DCC: variants seen among roughly 807,000 people sequenced by gnomAD.
DCC encodes the protein DCC netrin 1 receptor.
DCC carries 58 observed loss-of-function variants against 172.5 expected under a neutral mutation model. That is an observed-to-expected ratio of 0.34 (90% CI 0.27 to 0.42). The LOEUF is 0.42. Ranked by LOEUF, DCC falls within the 10% of genes least tolerant of loss-of-function variation. The pLI, the probability that DCC is intolerant of heterozygous loss-of-function variation, is 1.00. For synonymous variants in DCC, 709 were observed against 644.5 expected (o/e 1.10, Z -1.52); for missense variants, 1,740 against 1,791.0 (o/e 0.97, Z 0.51).
At chr18:53,013,729 C>G (rs994312535) in intron 5 of DCC, among the ~76,000 whole-genome samples, 8 of 151,398 alleles carry the variant, frequency 5.3e-5, no homozygotes, top group African/African-American at 1.7e-4. Flanking sequence ...GAGTCTAATT[C>G]TTCTTCAGCC....
At chr18:53,315,030 G>C (rs1366033173) in intron 13 of DCC, among the ~76,000 whole-genome samples, 1 of 152,060 alleles carries the variant, frequency 6.6e-6, no homozygotes, top group Admixed American at 6.6e-5. Flanking sequence ...TTGTTGCATA[G>C]GTATACACAT....
chr18:52,571,068 C>T (rs537744301), intron 1 of DCC, among the ~76,000 whole-genome samples: 70 of 152,154 alleles, frequency 4.6e-4, no homozygotes, highest in East Asian at 2.3e-3. Context: ...TTTTATGCCA[C>T]GATTAGTTAC....
At chr18:53,466,586 C>T (rs1964667) in intron 24 of DCC, among the ~76,000 whole-genome samples, 67,331 of 152,010 alleles carry the variant, frequency 0.44, 16,850 homozygotes, top group Non-Finnish European at 0.58. Flanking sequence ...AGTGCAGTGG[C>T]GCAATCTCAG....
intron 9 of DCC, among the ~76,000 whole-genome samples, chr18:53,180,188 G>A (rs142055557): frequency 1.1e-4 from 16 of 152,288 alleles, no homozygotes; most frequent in African/African-American, 3.8e-4. Context: ...CAGTCTGAGT[G>A]CACTTTCCAC....
intron 1 of DCC, among the ~76,000 whole-genome samples, chr18:52,694,608 TA>T (rs1206915466): frequency 6.6e-6 from 1 of 152,014 alleles, no homozygotes; most frequent in Non-Finnish European, 1.5e-5. Flanking sequence ...TTTACATTCT[TA>T]AAAATATAGG....
At chr18:52,970,175 A>G (rs931790328) in intron 5 of DCC, among the ~76,000 whole-genome samples, 1 of 152,116 alleles carries the variant, frequency 6.6e-6, no homozygotes, top group Admixed American at 6.6e-5. Context: ...CTGTTTTACT[A>G]TTAGGAATAG....
rs552850247 is a variant in DCC at position 52,781,281 on chromosome 18, G to T, written c.412+28907G>T. On this transcript the variant is annotated intron_variant, in intron 2 of 28. Coordinates refer to ENST00000442544, the MANE Select transcript of DCC (RefSeq NM_005215.4). ...AAGTCATAGAATTATTTTATGGCCA[G>T]TTATCACACAGAATAGTGCGGGAAG... Among the ~76,000 whole-genome samples, 11 of 152,214 alleles carry T rather than the reference G, an allele frequency of 7.2e-5. No individual in the cohort carries two copies. The South Asian group carries it at 2.3e-3, about 32-fold the overall frequency.
intron 1 of DCC, among the ~76,000 whole-genome samples, chr18:52,379,597 C>T (rs567457176): frequency 5.5e-4 from 84 of 152,240 alleles, no homozygotes; most frequent in African/African-American, 1.9e-3. Flanking sequence ...AATATTTGTG[C>T]ATCACTTAAT....
At chr18:53,481,061 C>A (rs2045825951) in intron 25 of DCC, 1 of 152,282 alleles carries the variant, frequency 6.6e-6, no homozygotes, top group Non-Finnish European at 1.5e-5. Context: ...TGGCTTTCCC[C>A]AGCATGAGTG....
chr18:52,588,460 A>G (rs1351623508), intron 1 of DCC, among the ~76,000 whole-genome samples: 1 of 152,216 alleles, frequency 6.6e-6, no homozygotes, highest in East Asian at 1.9e-4. Context: ...AGACTGTGAT[A>G]GATATTGGGC....
intron 11 of DCC, among the ~76,000 whole-genome samples, chr18:53,211,799 G>A (rs62100768): frequency 0.09 from 13,650 of 152,188 alleles, 807 homozygotes; most frequent in Non-Finnish European, 0.14. Context: ...TGTAATCCCA[G>A]AACTTTGGGA....
chr18:52,786,060 CA>C lies in DCC; in HGVS notation c.412+33687del, dbSNP rs557636605. On this transcript the variant is annotated intron_variant, in intron 2 of 28. Coordinates refer to ENST00000442544, the MANE Select transcript of DCC (RefSeq NM_005215.4). ...CTGTTTATAGCCCTACTGCAAATAG[CA>C]GAGTGAGTATAGCAAATCTTGCAAG... Among the ~76,000 whole-genome samples, 52 of 152,204 alleles carry C rather than the reference CA, an allele frequency of 3.4e-4. 1 individual carries two copies. The South Asian group carries it at 0.01, about 30-fold the overall frequency.
intron 5 of DCC, among the ~76,000 whole-genome samples, chr18:52,972,698 T>C (rs2145589113): frequency 6.6e-6 from 1 of 152,354 alleles, no homozygotes; most frequent in East Asian, 1.9e-4. Flanking sequence ...TTCTTTGCTA[T>C]GTTAGCACAA....
chr18:52,774,604 T>C (rs540396173), intron 2 of DCC, among the ~76,000 whole-genome samples: 2 of 152,320 alleles, frequency 1.3e-5, no homozygotes, highest in African/African-American at 4.8e-5. Flanking sequence ...AAGGTTCCCT[T>C]GTTCCCCTCG....
chr18:53,168,891 G>C (rs2054967396), intron 8 of DCC, among the ~76,000 whole-genome samples: 1 of 152,088 alleles, frequency 6.6e-6, no homozygotes, highest in African/African-American at 2.4e-5. Flanking sequence ...CATTAATCTA[G>C]AATGGCAGCT....
intron 27 of DCC, among the ~76,000 whole-genome samples, chr18:53,512,707 A>G (rs1276758490): frequency 2.0e-5 from 3 of 151,646 alleles, no homozygotes; most frequent in Non-Finnish European, 2.9e-5. Flanking sequence ...AAGAAAGGGT[A>G]TCAGCAATGG....
intron 7 of DCC, among the ~76,000 whole-genome samples, chr18:53,106,196 G>A (rs975835811): frequency 1.3e-5 from 2 of 151,848 alleles, no homozygotes; most frequent in East Asian, 1.9e-4. Flanking sequence ...CTCAAAGGAG[G>A]CGTCTTATTT....
In DCC at chr18:53,169,093, T is replaced by A. The variant is rs576909449; in HGVS notation, c.1419-9869T>A. The stretch of plus-strand genomic sequence containing the variant: ...CACAGGAGAATATACTCTACCAGAA[T>A]TAGATCTCAATGTAAATTGCACAAT... On this transcript the variant is annotated intron_variant, in intron 8 of 28. Transcript: ENST00000442544. Among the ~76,000 whole-genome samples the A allele has an allele frequency of 6.6e-5, 10 of 152,314 alleles. No individual in the cohort carries two copies. In the South Asian group the frequency reaches 2.1e-3, roughly 32 times the overall value.
At chr18:53,205,183 T>TTTTC in intron 9 of DCC, 33 bp from the exon 10 acceptor site, 1 of 1,589,434 alleles carries the variant, frequency 6.3e-7, no homozygotes, top group Non-Finnish European at 8.6e-7. Flanking sequence ...TCCTAATCAC[T>TTTTC]TTTCTTTCTT....
Sources: gnomAD v4.1 joint callset for allele counts (sites outside exome capture counted in the v4.1 genomes callset) on GRCh38, gnomAD v4.1.1 for gene constraint, MANE v1.5 for transcripts, NCBI Gene and HGNC (gene_info 2026-07-23, HGNC 2026-07-21) for gene names.